The following RAD23B variants were observed in gnomAD, a reference collection of about 807,000 sequenced individuals.
RAD23B encodes lysine-specific demethylase RAD23B.
A neutral mutation model predicts 49.1 loss-of-function variants in RAD23B; 5 were observed. That is an observed-to-expected ratio of 0.10 (90% CI 0.05 to 0.21). The LOEUF (loss-of-function observed/expected upper bound fraction) is 0.21. Among genes scored for constraint, RAD23B ranks in the 10% least tolerant of loss-of-function variants. The pLI is 1.00. For synonymous variants in RAD23B, 184 were observed against 165.4 expected (o/e 1.11, Z -0.86); for missense variants, 356 against 486.7 (o/e 0.73, Z 2.53).
At position 107,300,602 on chromosome 9, in the gene RAD23B, C is replaced by T. The variant is rs185445653; in HGVS notation, c.148+380C>T. 1.5e-3 allele frequency among the ~76,000 whole-genome samples: 231 copies of T among 150,808 alleles called. 1 individual carries two copies. The highest frequency in any genetic ancestry group is 5.2e-3 in the African/African-American group (215 of 41,042). The stretch of plus-strand genomic sequence containing the variant: ...TTTAACCAAAACTAACTGAAGAGTA[C>T]AGAAAAAACACATCACACAGACACC... On this transcript the variant is annotated intron_variant, in intron 2 of 9. Transcript: ENST00000358015.
chr9:107,304,257 A>G lies in RAD23B; in HGVS notation c.229-2122A>G, dbSNP rs79908229. The stretch of plus-strand genomic sequence containing the variant: ...AACCTTGAAGGGAAGTTACATTGCA[A>G]TATTATTTTGATAACAATTAAGGAA... On this transcript the variant is annotated intron_variant, in intron 3 of 9. Transcript: ENST00000358015. 3.0e-4 allele frequency among the ~76,000 whole-genome samples: 45 copies of G among 152,354 alleles called. 1 individual carries two copies. Among genetic ancestry groups the G allele is most frequent in the African/African-American group, 1.0e-3 (43 of 41,586 alleles).
chr9:107,306,770 T>C (rs2133080389), intron 4 of RAD23B, 123 bp downstream of exon 4: 2 of 1,099,502 alleles, frequency 1.8e-6, no homozygotes, highest in Non-Finnish European at 2.6e-6. Context: ...TTTTTTTAAA[T>C]GTTTGACTAA....
chr9:107,310,174 A>G (rs1302743690), intron 4 of RAD23B, among the ~76,000 whole-genome samples: 1 of 152,144 alleles, frequency 6.6e-6, no homozygotes, highest in East Asian at 1.9e-4. Flanking sequence ...AGATCTCACC[A>G]TCTAGAATGA....
chr9:107,324,044 G>C lies in RAD23B; in HGVS notation c.945+27G>C, dbSNP rs747026924. The C allele has an allele frequency of 6.2e-6, 10 of 1,606,058 alleles. No individual in the cohort carries two copies. The South Asian group carries it at 9.9e-5, about 16-fold the overall frequency. ...TGACTAATCAGTGTCAGTTTCACAA[G>C]TGATTTAGAGTGTGTCACAATTTGA... On this transcript the variant is annotated intron_variant, in intron 8 of 9. Coordinates refer to ENST00000358015, the MANE Select transcript of RAD23B (RefSeq NM_002874.5).
intron 5 of RAD23B, among the ~76,000 whole-genome samples, chr9:107,313,427 C>A (rs542166563): frequency 1.3e-5 from 2 of 152,172 alleles, no homozygotes; most frequent in East Asian, 3.9e-4. Context: ...GGGTTTCACC[C>A]TGCTAGCCAG....
intron 5 of RAD23B, among the ~76,000 whole-genome samples, chr9:107,315,716 G>T (rs1391283392): frequency 6.6e-6 from 1 of 151,954 alleles, no homozygotes; most frequent in South Asian, 2.1e-4. Context: ...GTTTCACCAT[G>T]TTGGCCAGGC....
intron 3 of RAD23B, among the ~76,000 whole-genome samples, chr9:107,303,167 G>T (rs1173110940): frequency 1.3e-5 from 2 of 151,726 alleles, no homozygotes; most frequent in Non-Finnish European, 2.9e-5. Context: ...TTTAGGATTG[G>T]ATTGTCATAA....
chr9:107,309,534 G>A (rs1474732773), intron 4 of RAD23B, among the ~76,000 whole-genome samples: 1 of 152,204 alleles, frequency 6.6e-6, no homozygotes, highest in African/African-American at 2.4e-5. Context: ...TTCCTCTGTG[G>A]TTGGAGAGGG....
chr9:107,306,061 A>C (rs1293502596), intron 3 of RAD23B, among the ~76,000 whole-genome samples: 1 of 133,912 alleles, frequency 7.5e-6, no homozygotes, highest in Non-Finnish European at 1.6e-5. Flanking sequence ...CTATATATAT[A>C]TATATATATA....
intron 5 of RAD23B, among the ~76,000 whole-genome samples, chr9:107,314,935 T>G (rs1483173267): frequency 6.6e-6 from 1 of 152,254 alleles, no homozygotes; most frequent in African/African-American, 2.4e-5. Context: ...CTTGTCTGTC[T>G]TCTTTTGAAG....
chr9:107,288,529 T>C (rs1175931464), intron 1 of RAD23B, among the ~76,000 whole-genome samples: 1 of 152,188 alleles, frequency 6.6e-6, no homozygotes, highest in East Asian at 1.9e-4. Context: ...CACTGCAGCC[T>C]TCGCCTCTGG....
chr9:107,294,844 A>G (rs1826466431), intron 1 of RAD23B, among the ~76,000 whole-genome samples: 1 of 152,206 alleles, frequency 6.6e-6, no homozygotes, highest in Non-Finnish European at 1.5e-5. Context: ...AAGTCTAAGT[A>G]GCACTTAAAG....
At chr9:107,321,892 C>T in intron 6 of RAD23B, 91 bp from the exon 7 acceptor site, 2 of 1,262,996 alleles carry the variant, frequency 1.6e-6, no homozygotes, top group South Asian at 2.1e-5. Flanking sequence ...GAAAATCAAA[C>T]AAGATGTTAA....
In RAD23B at chr9:107,318,890, T is replaced by A. The variant is rs142218722; in HGVS notation, c.681+11T>A. ...GAGTATCTTTTAATGGTGAGAAATA[T>A]GTTTTACTTTACTCCATTCTGTTGT... On this transcript the variant is annotated intron_variant, in intron 6 of 9. Coordinates refer to ENST00000358015, the MANE Select transcript of RAD23B (RefSeq NM_002874.5). This position sits in a 1 kb window ranked among gnomAD's most constrained non-coding sequence, Gnocchi z 4.3. The A allele has an allele frequency of 3.3e-4, 532 of 1,604,212 alleles. 1 individual carries two copies. In the African/African-American group the frequency reaches 5.2e-3, roughly 16 times the overall value.
In RAD23B at chr9:107,318,990, C is replaced by T. The variant is rs1478491264; in HGVS notation, c.681+111C>T. On this transcript the variant is annotated intron_variant, in intron 6 of 9. Coordinates refer to ENST00000358015, the MANE Select transcript of RAD23B (RefSeq NM_002874.5). This position sits in a 1 kb window ranked among gnomAD's most constrained non-coding sequence, Gnocchi z 4.3. ...TCACTGATATATGCTAGATGATATA[C>T]ATAATGCTTTTTTTTTTCTAGTATG... The T allele has an allele frequency of 4.9e-6, 5 of 1,013,720 alleles. No individual in the cohort carries two copies. The highest frequency in any genetic ancestry group is 6.7e-6 in the Non-Finnish European group (5 of 743,586). 62.8% of individuals were successfully genotyped at this position (1,013,720 alleles called of 1,614,324 possible).
intron 5 of RAD23B, among the ~76,000 whole-genome samples, chr9:107,312,800 TCGGCTCCAGCTGGAGC>T (rs1826914285): frequency 6.6e-6 from 1 of 152,060 alleles, no homozygotes; most frequent in Admixed American, 6.5e-5. Flanking sequence ...GTCTGTGGCC[TCGGCTCCAGCTGGAGC>T]CAGCTAGCAC....
At chr9:107,300,117 A>G (rs1364852151) in intron 1 of RAD23B, 24 bp from the exon 2 acceptor site, 1 of 1,587,084 alleles carries the variant, frequency 6.3e-7, no homozygotes, top group Non-Finnish European at 8.5e-7. Flanking sequence ...CTTTTTCCAA[A>G]ACAAATCTTT....
rs4987204 is a variant in RAD23B at position 107,318,660 on chromosome 9, T to A, written c.554-92T>A. 5.2e-3 allele frequency: 6,916 copies of A among 1,324,804 alleles called. 230 individuals are homozygous for A. The African/African-American group carries it at 0.076, about 15-fold the overall frequency. The allele number at this position is 1,324,804 out of a possible 1,614,324, so 82.1% of individuals were successfully genotyped here. ...ATCTTTGTATTCCCAGCATAGTAGT[T>A]CCTGAAATGTTGTATACATGAATCA... On this transcript the variant is annotated intron_variant, in intron 5 of 9. Coordinates refer to ENST00000358015, the MANE Select transcript of RAD23B (RefSeq NM_002874.5). This position sits in a 1 kb window ranked among gnomAD's most constrained non-coding sequence, Gnocchi z 4.3.
chr9:107,319,394 T>C lies in RAD23B; in HGVS notation c.681+515T>C, dbSNP rs11573694. Among the ~76,000 whole-genome samples the C allele has an allele frequency of 1.3e-5, 2 of 152,244 alleles. 1 individual carries two copies. Among genetic ancestry groups the C allele is most frequent in the South Asian group, 4.2e-4 (2 of 4,814 alleles). ...ATCCGCCCGCCTCAGCCTCCCAAAG[T>C]GCTGGGATTACAGGTGTGAGCCACC... On this transcript the variant is annotated intron_variant, in intron 6 of 9. Coordinates refer to ENST00000358015, the MANE Select transcript of RAD23B (RefSeq NM_002874.5).
Sources: allele counts gnomAD v4.1 joint callset (sites outside exome capture counted in the v4.1 genomes callset), GRCh38; gene constraint gnomAD v4.1.1; non-coding constraint Gnocchi (gnomAD v3.1); transcripts MANE v1.5; gene names NCBI Gene and HGNC (gene_info 2026-07-23, HGNC 2026-07-21).